ZNF567: variants seen among roughly 807,000 people sequenced by gnomAD.
ZNF567 encodes the protein zinc finger protein 567.
A neutral mutation model predicts 53.9 loss-of-function variants in ZNF567; 36 were observed. The observed-to-expected ratio is 0.67, with a 90% CI of 0.51 to 0.88. The LOEUF (loss-of-function observed/expected upper bound fraction) is 0.88. Ranked by LOEUF, ZNF567 falls within the 40% of genes least tolerant of loss-of-function variation. The pLI is 0.00. For missense variants in ZNF567, 619 were observed against 764.7 expected (o/e 0.81, Z 2.25); for synonymous variants, 224 against 260.4 (o/e 0.86, Z 1.35).
intron 3 of ZNF567, among the ~76,000 whole-genome samples, chr19:36,708,450 C>G (rs550068899): frequency 6.6e-6 from 1 of 152,178 alleles, no homozygotes; most frequent in South Asian, 2.1e-4. Context: ...TAATTTAGTC[C>G]GATTCCTGGA....
At chr19:36,689,341 T>G (rs1045438685) in intron 1 of ZNF567, 56 bp from the exon 2 acceptor site, 2 of 151,584 alleles carry the variant, frequency 1.3e-5, no homozygotes, top group African/African-American at 4.9e-5. Context: ...GGATACATGA[T>G]TAGTTTCTTC....
At chr19:36,696,745 G>C (rs1241884648) in intron 3 of ZNF567, among the ~76,000 whole-genome samples, 1 of 152,048 alleles carries the variant, frequency 6.6e-6, no homozygotes, top group East Asian at 1.9e-4. Context: ...TTCTCCAAGG[G>C]CTCACCCCAA....
the ZNF567 span, among the ~76,000 whole-genome samples, chr19:36,674,549 T>C: frequency 6.6e-6 from 1 of 152,136 alleles, no homozygotes; most frequent in African/African-American, 2.4e-5. Context: ...GGCTAATATT[T>C]CGGAAGTGAA....
At chr19:36,672,532 G>A in the ZNF567 span, among the ~76,000 whole-genome samples, 1 of 152,168 alleles carries the variant, frequency 6.6e-6, no homozygotes, top group Non-Finnish European at 1.5e-5. Flanking sequence ...TGATGGCAGT[G>A]ATGAAAGTTA....
At chr19:36,684,859 CA>C (rs1247416786), upstream of ZNF567, among the ~76,000 whole-genome samples, 1 of 152,066 alleles carries the variant, frequency 6.6e-6, no homozygotes, top group African/African-American at 2.4e-5. Flanking sequence ...CGCCCATTTC[CA>C]ACTCTAGGAA....
the ZNF567 span, among the ~76,000 whole-genome samples, chr19:36,675,667 C>T: frequency 2.0e-5 from 3 of 150,978 alleles, no homozygotes; most frequent in Non-Finnish European, 4.4e-5. Flanking sequence ...AGCGAGACTC[C>T]GTCTCAAAAA....
chr19:36,697,670 T>C (rs2145640471), intron 3 of ZNF567, among the ~76,000 whole-genome samples: 1 of 151,470 alleles, frequency 6.6e-6, no homozygotes, highest in South Asian at 2.1e-4. Flanking sequence ...TGGAGTGCAG[T>C]GGTGGATCTC....
downstream of ZNF567, among the ~76,000 whole-genome samples, chr19:36,724,364 A>G (rs2040326664): frequency 6.6e-6 from 1 of 151,598 alleles, no homozygotes; most frequent in Non-Finnish European, 1.5e-5. Context: ...ACTATTTTAC[A>G]TTACCAATGG....
rs1470889741 is a variant in ZNF567, at chr19:36,720,815, T to A, written c.*147T>A. On this transcript the variant is annotated 3_prime_UTR_variant, in exon 6 of 6. Coordinates refer to ENST00000682579, the MANE Select transcript of ZNF567 (RefSeq NM_001322917.1). ...CCATACGGAATAACTGTCTACTGTT[T>A]ACTAGCATATAAAATAAGTATGATC... is the stretch of plus-strand genomic sequence containing the variant. 1 of 642,302 alleles carries A rather than the reference T, an allele frequency of 1.6e-6. No homozygotes were observed. Among genetic ancestry groups the A allele is most frequent in the South Asian group, 4.3e-5 (1 of 23,200 alleles). The allele number at this position is 642,302 out of a possible 1,614,324, so 39.8% of individuals were successfully genotyped here. A position where few individuals can be genotyped will look rare whatever the true frequency, so the allele number is the denominator to read the frequency against.
intron 2 of ZNF567, among the ~76,000 whole-genome samples, chr19:36,692,246 A>C (rs1381182395): frequency 1.3e-5 from 2 of 152,228 alleles, no homozygotes; most frequent in Non-Finnish European, 2.9e-5. Context: ...TTGCCTCTTG[A>C]TTGTGGTGGT....
At chr19:36,670,602 C>T in the ZNF567 span, among the ~76,000 whole-genome samples, 12 of 152,168 alleles carry the variant, frequency 7.9e-5, 1 homozygote, top group Admixed American at 7.2e-4. Flanking sequence ...GATATTAACA[C>T]ATCCTCTGCT....
At chr19:36,673,712 A>C in the ZNF567 span, among the ~76,000 whole-genome samples, 1 of 152,018 alleles carries the variant, frequency 6.6e-6, no homozygotes, top group Non-Finnish European at 1.5e-5. Flanking sequence ...ACACACACAC[A>C]CACACCCTGT....
intron 3 of ZNF567, among the ~76,000 whole-genome samples, chr19:36,710,725 C>T (rs1041053000): frequency 6.6e-6 from 1 of 152,068 alleles, no homozygotes; most frequent in African/African-American, 2.4e-5. Flanking sequence ...CTGCATTTCT[C>T]TTTTTCAAGT....
chr19:36,673,673 T>G, the ZNF567 span, among the ~76,000 whole-genome samples: 1 of 152,014 alleles, frequency 6.6e-6, no homozygotes, highest in East Asian at 1.9e-4. Context: ...TCTGTGTGCA[T>G]GCATACACAC....
At chr19:36,710,605 C>T (rs1600554941) in intron 3 of ZNF567, among the ~76,000 whole-genome samples, 1 of 152,142 alleles carries the variant, frequency 6.6e-6, no homozygotes, top group African/African-American at 2.4e-5. Context: ...AAGCTTCTAG[C>T]TGCTGCCTTT....
At chr19:36,676,625 C>T in the ZNF567 span, among the ~76,000 whole-genome samples, 4 of 152,286 alleles carry the variant, frequency 2.6e-5, 1 homozygote, top group South Asian at 8.3e-4. Context: ...GCAGGACTGT[C>T]ACTTCGAGGG....
At chr19:36,713,587 G>A (rs1056229927) in intron 5 of ZNF567, among the ~76,000 whole-genome samples, 3 of 152,162 alleles carry the variant, frequency 2.0e-5, no homozygotes, top group African/African-American at 7.2e-5. Flanking sequence ...ACCAGCCTGG[G>A]CTACAGAGCC....
At chr19:36,679,270 C>T in the ZNF567 span, among the ~76,000 whole-genome samples, 2,143 of 152,150 alleles carry the variant, frequency 0.014, 24 homozygotes, top group Non-Finnish European at 0.022. Flanking sequence ...TGGGCGACAG[C>T]GCGAGACTCC....
chr19:36,722,128 G>A (rs2040310253), downstream of ZNF567, among the ~76,000 whole-genome samples: 1 of 152,132 alleles, frequency 6.6e-6, no homozygotes, highest in African/African-American at 2.4e-5. Flanking sequence ...TTTGATGTTT[G>A]AGAATTGGAA....
Sources: allele counts gnomAD v4.1 joint callset (sites outside exome capture counted in the v4.1 genomes callset), GRCh38; gene constraint gnomAD v4.1.1; transcripts MANE v1.5; gene names NCBI Gene and HGNC (gene_info 2026-07-23, HGNC 2026-07-21).